The following TATDN2 variants were observed in gnomAD, a reference collection of about 807,000 sequenced individuals.
TATDN2 encodes 3'-5' RNA nuclease TATDN2.
A neutral mutation model predicts 60.3 loss-of-function variants in TATDN2; 44 were observed. That is an observed-to-expected ratio of 0.73 (90% CI 0.57 to 0.94). The LOEUF (loss-of-function observed/expected upper bound fraction) is 0.94. Among genes scored for constraint, TATDN2 ranks in the 40% least tolerant of loss-of-function variants. The pLI is 0.00. For synonymous variants in TATDN2, 399 were observed against 355.8 expected, an observed-to-expected ratio of 1.12 and a Z score of -1.37; for missense variants, 997 against 948.0, an observed-to-expected ratio of 1.05 and a Z score of -0.68.
chr3:10,249,112 C>T, intron 1 of TATDN2, 45 bp downstream of exon 1: 7 of 1,466,426 alleles, frequency 4.8e-6, no homozygotes, highest in Non-Finnish European at 5.4e-6. Flanking sequence ...TCTTGCCGTC[C>T]TCCTGGGCCC....
Position 10,278,369 on chromosome 3 carries a change from C to G in TATDN2, c.2052C>G (p.Tyr684Ter). The change falls in exon 6 of 8, where the codon TAC (tyrosine) becomes TAG (stop). Residue 684 changes from tyrosine (Y) to a stop codon, truncating the protein, a stop_gained. Transcript: ENST00000448281. LOFTEE classifies it high-confidence loss of function. The surrounding 1 kb of genome is among the most constrained non-coding windows in gnomAD (Gnocchi z 4.7). ...MSVGFTAVLT[Y>*]SSAWEAREAL... Reference sequence around the variant, plus strand: ...TGGGCTTCACGGCAGTGCTGACATACTCCTCTGCCTGGGAGGCCCGGGAAG... The same window carrying G: ...TGGGCTTCACGGCAGTGCTGACATAGTCCTCTGCCTGGGAGGCCCGGGAAG... The G allele has an allele frequency of 6.2e-7, 1 of 1,614,206 alleles. No homozygotes were observed. The highest frequency in any genetic ancestry group is 8.5e-7 in the Non-Finnish European group (1 of 1,180,034).
intron 1 of TATDN2, 52 bp downstream of exon 1, chr3:10,249,119 G>GC (rs1272244247): frequency 2.0e-6 from 3 of 1,474,732 alleles, no homozygotes; most frequent in Non-Finnish European, 2.7e-6. Context: ...GTCCTCCTGG[G>GC]CCCGGGGTGG....
intron 4 of TATDN2, among the ~76,000 whole-genome samples, chr3:10,273,725 A>C (rs183586651): frequency 6.6e-6 from 1 of 152,184 alleles, no homozygotes; most frequent in African/African-American, 2.4e-5. Context: ...AAATAGAGAA[A>C]AGCAAAACAA....
At chr3:10,274,049 A>G (rs1698601557) in intron 4 of TATDN2, among the ~76,000 whole-genome samples, 1 of 152,210 alleles carries the variant, frequency 6.6e-6, no homozygotes, top group East Asian at 1.9e-4. Flanking sequence ...CCTGGAAATA[A>G]TGGATCAGTT....
At position 10,260,185 on chromosome 3, in the gene TATDN2, G is replaced by C; in HGVS notation, c.463G>C (p.Ala155Pro). 6.2e-7 allele frequency: 1 copy of C among 1,613,846 alleles called. No individual in the cohort carries two copies. Among genetic ancestry groups the C allele is most frequent in the Non-Finnish European group, 8.5e-7 (1 of 1,179,980 alleles). Residue 155 changes from alanine to proline, a missense_variant, in exon 3 of 8, where the codon GCT becomes CCT. By Grantham distance (27) the Ala-to-Pro change is conservative. Coordinates refer to ENST00000448281, the MANE Select transcript of TATDN2 (RefSeq NM_014760.4). ...SHNSTNSEFAAEAEGQNDTIE... is the reference protein window; with the variant it reads ...SHNSTNSEFAPEAEGQNDTIE... ...TAACTCCACAAACTCTGAATTTGCA[G>C]CTGAAGCTGAGGGTCAGAATGATAC...
rs770650793 is a variant in TATDN2, at chr3:10,249,372, C to T, written c.172C>T (p.Gln58Ter). Residue 58 changes from glutamine to a stop codon, truncating the protein, a stop_gained, in exon 2 of 8, where the codon CAG (glutamine) becomes TAG (stop). Coordinates refer to ENST00000448281, the MANE Select transcript of TATDN2 (RefSeq NM_014760.4). LOFTEE classifies it high-confidence loss of function. ...GPSSPKRLKAQKEDDVACSRR... is the reference protein window; with the variant it reads ...GPSSPKRLKA ...CAGCAGCCCCAAGCGCCTGAAAGCC[C>T]AGAAGGAGGACGATGTGGCTTGCTC... 12 of 1,613,052 alleles carry T rather than the reference C, an allele frequency of 7.4e-6. No homozygotes were observed. In the African/African-American group the frequency reaches 9.3e-5, roughly 13 times the overall value.
chr3:10,259,297 G>T (rs532987485), intron 2 of TATDN2, among the ~76,000 whole-genome samples: 7 of 152,360 alleles, frequency 4.6e-5, no homozygotes, highest in Admixed American at 1.3e-4. Context: ...TACCTGGTCT[G>T]TATTTACTTT....
intron 3 of TATDN2, among the ~76,000 whole-genome samples, chr3:10,261,644 A>T (rs577123146): frequency 3.3e-5 from 5 of 152,174 alleles, no homozygotes; most frequent in Non-Finnish European, 7.3e-5. Flanking sequence ...CCGGGATTAC[A>T]GGCATGAGCC....
intron 2 of TATDN2, 55 bp downstream of exon 2, chr3:10,249,669 G>C: frequency 6.8e-7 from 1 of 1,470,792 alleles, no homozygotes; most frequent in Middle Eastern, 1.8e-4. Context: ...TGGCTTGAGA[G>C]GTTGGGGATG....
rs1477927676 is a variant in TATDN2, at chr3:10,249,372, CAGA to C, written c.175_177del (p.Lys59del). The stretch of plus-strand genomic sequence containing the variant: ...CAGCAGCCCCAAGCGCCTGAAAGCC[CAGA>C]AGGAGGACGATGTGGCTTGCTCGCG... On this transcript the variant is annotated inframe_deletion, in exon 2 of 8. Coordinates refer to ENST00000448281, the MANE Select transcript of TATDN2 (RefSeq NM_014760.4). The C allele has an allele frequency of 3.1e-6, 5 of 1,613,052 alleles. No homozygotes were observed. The highest frequency in any genetic ancestry group is 1.7e-5 in the Admixed American group (1 of 59,898).
chr3:10,265,477 C>G (rs762294651), intron 3 of TATDN2, among the ~76,000 whole-genome samples: 1 of 151,024 alleles, frequency 6.6e-6, no homozygotes, highest in South Asian at 2.1e-4. Flanking sequence ...GTCAGGAGAT[C>G]GAGACCATCC....
chr3:10,279,219 A>G lies in TATDN2; in HGVS notation c.*39-2A>G. 1.4e-6 allele frequency: 1 copy of G among 705,848 alleles called. No individual in the cohort carries two copies. Among genetic ancestry groups the G allele is most frequent in the Non-Finnish European group, 2.2e-6 (1 of 444,782 alleles). The allele number at this position is 705,848 out of a possible 1,614,324, so 43.7% of individuals were successfully genotyped here. ...TTCTTCTTTTTCTCTTCCACCCTCCAGGGCGACCAGCAGCCTGACAGAACA... is the reference window on the plus strand; with the variant it reads ...TTCTTCTTTTTCTCTTCCACCCTCCGGGGCGACCAGCAGCCTGACAGAACA... On this transcript the variant is annotated splice_acceptor_variant, in intron 7 of 7. Coordinates refer to ENST00000448281, the MANE Select transcript of TATDN2 (RefSeq NM_014760.4). LOFTEE classifies it low-confidence loss of function (3UTR_SPLICE).
chr3:10,276,639 A>G (rs1454668836), intron 5 of TATDN2, 151 bp downstream of exon 5: 1 of 1,137,884 alleles, frequency 8.8e-7, no homozygotes, highest in South Asian at 1.7e-5. Flanking sequence ...CCCAGGCTGG[A>G]GTGTAGTAGT....
At chr3:10,273,139 G>C (rs530583666) in intron 4 of TATDN2, among the ~76,000 whole-genome samples, 1 of 152,342 alleles carries the variant, frequency 6.6e-6, no homozygotes, top group South Asian at 2.1e-4. Flanking sequence ...CAGTCTTGAA[G>C]ATGTCATTTG....
Position 10,260,134 on chromosome 3 carries a change from C to A in TATDN2, c.415-3C>A. Reference sequence around the variant, plus strand: ...CCTTTCAATTCTGTTTTTTTTTTCCCAGGTTGATTCCAAAGATAGTTCTCA... The same window carrying A: ...CCTTTCAATTCTGTTTTTTTTTTCCAAGGTTGATTCCAAAGATAGTTCTCA... On this transcript the variant is annotated splice_polypyrimidine_tract_variant and splice_region_variant and intron_variant, in intron 2 of 7. Coordinates refer to ENST00000448281, the MANE Select transcript of TATDN2 (RefSeq NM_014760.4). 6.3e-7 allele frequency: 1 copy of A among 1,588,518 alleles called. No homozygotes were observed. Among genetic ancestry groups the A allele is most frequent in the Non-Finnish European group, 8.5e-7 (1 of 1,171,500 alleles).
At chr3:10,263,229 T>G (rs1225134498) in intron 3 of TATDN2, among the ~76,000 whole-genome samples, 4 of 151,700 alleles carry the variant, frequency 2.6e-5, no homozygotes, top group Non-Finnish European at 5.9e-5. Flanking sequence ...CTCTGTGGAA[T>G]CTTGTAGAAT....
At chr3:10,265,730 C>T (rs1244402125) in intron 3 of TATDN2, among the ~76,000 whole-genome samples, 3 of 149,232 alleles carry the variant, frequency 2.0e-5, no homozygotes, top group African/African-American at 7.4e-5. Context: ...GGTTGGAGTG[C>T]AGTGGCATGG....
intron 3 of TATDN2, among the ~76,000 whole-genome samples, chr3:10,264,391 C>T (rs1698449448): frequency 6.6e-6 from 1 of 152,126 alleles, no homozygotes; most frequent in South Asian, 2.1e-4. Context: ...TCTTCCTGTT[C>T]TGGTGTTTTT....
rs75907143 is a variant in TATDN2 at position 10,257,651 on chromosome 3, C to T, written c.415-2486C>T. Among the ~76,000 whole-genome samples, 623 of 135,970 alleles carry T rather than the reference C, an allele frequency of 4.6e-3. 8 individuals carry two copies. The highest frequency in any genetic ancestry group is 0.016 in the African/African-American group (587 of 36,890). The allele number at this position is 135,970 out of a possible 152,430, so 89.2% of individuals were successfully genotyped here. Reference sequence around the variant, plus strand: ...AAAAATGACCCGTAACCTCCTTTAACAAATAATCTCTGTAGACACGTTAGA... The same window carrying T: ...AAAAATGACCCGTAACCTCCTTTAATAAATAATCTCTGTAGACACGTTAGA... On this transcript the variant is annotated intron_variant, in intron 2 of 7. Transcript: ENST00000448281.
Sources: gnomAD v4.1 joint callset for allele counts (sites outside exome capture counted in the v4.1 genomes callset) on GRCh38, gnomAD v4.1.1 for gene constraint, Gnocchi (gnomAD v3.1) non-coding constraint, MANE v1.5 for transcripts, NCBI Gene and HGNC (gene_info 2026-07-23, HGNC 2026-07-21) for gene names.